Variants in DNER observed in about 807,000 individuals in gnomAD.
The protein encoded by DNER is delta/notch like EGF repeat containing, also known as delta and Notch-like epidermal growth factor-related receptor.
A neutral mutation model predicts 78.2 loss-of-function variants in DNER; 33 were observed. That is an observed-to-expected ratio of 0.42 (90% CI 0.32 to 0.56). The LOEUF is 0.56. Ranked by LOEUF, DNER falls within the 20% of genes least tolerant of loss-of-function variation. The probability of loss-of-function intolerance (pLI) is 0.11; values close to 1 mark genes in which losing one functional copy is unlikely to be tolerated. For synonymous variants in DNER, 417 were observed against 384.8 expected, an observed-to-expected ratio of 1.08 and a Z score of -0.98; for missense variants, 918 against 975.3, an observed-to-expected ratio of 0.94 and a Z score of 0.78.
At chr2:229,361,412 C>T (rs1458057255) in intron 12 of DNER, among the ~76,000 whole-genome samples, 1 of 152,108 alleles carries the variant, frequency 6.6e-6, no homozygotes, top group Non-Finnish European at 1.5e-5. Context: ...GGTTAGCAAA[C>T]TATAGTCCAC....
intron 12 of DNER, among the ~76,000 whole-genome samples, chr2:229,360,442 G>A (rs187081914): frequency 4.6e-5 from 7 of 152,032 alleles, no homozygotes; most frequent in Admixed American, 2.6e-4. Flanking sequence ...ACAGAGTCTC[G>A]CACTGTTGCC....
intron 6 of DNER, among the ~76,000 whole-genome samples, chr2:229,503,731 T>G (rs936730164): frequency 2.0e-5 from 3 of 152,282 alleles, no homozygotes; most frequent in African/African-American, 7.2e-5. Context: ...TTATACATAC[T>G]TTTTTGTTGC....
At chr2:229,587,079 GA>G in intron 3 of DNER, 1 of 837,212 alleles carries the variant, frequency 1.2e-6, no homozygotes. Context: ...TTGTTGAGAG[GA>G]AAAAAACAAA....
chr2:229,701,217 T>C (rs767915964), intron 1 of DNER, among the ~76,000 whole-genome samples: 1 of 152,200 alleles, frequency 6.6e-6, no homozygotes, highest in Non-Finnish European at 1.5e-5. Context: ...AAAGGACCCA[T>C]GAAGATGCAA....
chr2:229,572,535 A>AGAAGAACTAAAAACAAACAGAGAG (rs1697234528), intron 4 of DNER, among the ~76,000 whole-genome samples: 1 of 147,872 alleles, frequency 6.8e-6, no homozygotes, highest in Non-Finnish European at 1.5e-5. Flanking sequence ...GGAAGGAAAT[A>AGAAGAACTAAAAACAAACAGAGAG]GAAGAACTAA....
At chr2:229,437,023 A>C (rs2106357762) in intron 8 of DNER, among the ~76,000 whole-genome samples, 1 of 152,296 alleles carries the variant, frequency 6.6e-6, no homozygotes, top group South Asian at 2.1e-4. Context: ...AAGAAGCAAA[A>C]CCCAATGGTA....
intron 8 of DNER, among the ~76,000 whole-genome samples, chr2:229,425,359 G>C (rs1559348219): frequency 1.3e-5 from 2 of 152,170 alleles, no homozygotes; most frequent in Non-Finnish European, 2.9e-5. Flanking sequence ...ACATGGTGAA[G>C]CTGGTTTCTA....
intron 4 of DNER, among the ~76,000 whole-genome samples, chr2:229,559,172 C>T (rs1218627227): frequency 6.6e-6 from 1 of 151,944 alleles, no homozygotes; most frequent in African/African-American, 2.4e-5. Context: ...CTGATGAGAC[C>T]CCCAAAGGGA....
rs115958304 is a variant in DNER, at chr2:229,657,437, C to T, written c.276+56711G>A. Among the ~76,000 whole-genome samples the T allele has an allele frequency of 4.7e-3, 708 of 152,126 alleles. 4 individuals carry two copies. Among genetic ancestry groups the T allele is most frequent in the African/African-American group, 0.015 (616 of 41,474 alleles). On this transcript the variant is annotated intron_variant, in intron 1 of 12. Coordinates refer to ENST00000341772, the MANE Select transcript of DNER (RefSeq NM_139072.4). ...ATACCTTGTCTACTGTAAATAATGCCGCAGTGAACACAGGGATACAGATAA... is the reference window on the plus strand; with the variant it reads ...ATACCTTGTCTACTGTAAATAATGCTGCAGTGAACACAGGGATACAGATAA...
chr2:229,406,825 TTA>T (rs1309908862), intron 10 of DNER, among the ~76,000 whole-genome samples: 1 of 41,380 alleles, frequency 2.4e-5, no homozygotes, highest in African/African-American at 1.1e-4. Context: ...CTTGACACTT[TTA>T]TATCTTGCAA....
intron 1 of DNER, among the ~76,000 whole-genome samples, chr2:229,699,897 T>G (rs901558743): frequency 1.3e-5 from 2 of 151,944 alleles, no homozygotes; most frequent in Non-Finnish European, 2.9e-5. Context: ...AGCAAAACAA[T>G]GAGCATAAGC....
chr2:229,488,289 AGT>A lies in DNER; in HGVS notation c.1148-11038_1148-11037del, dbSNP rs561663509. Among the ~76,000 whole-genome samples the A allele has an allele frequency of 3.5e-3, 540 of 152,302 alleles. 2 individuals are homozygous for A. The highest frequency in any genetic ancestry group is 0.012 in the African/African-American group (513 of 41,562). ...CTTGATGGCTTACCGATTCTGTGCC[AGT>A]GTGTGTGGATGTGGATGTGGGGATA... On this transcript the variant is annotated intron_variant, in intron 6 of 12. Transcript: ENST00000341772.
intron 1 of DNER, among the ~76,000 whole-genome samples, chr2:229,671,463 G>A (rs10182640): frequency 0.034 from 5,096 of 152,102 alleles, 149 homozygotes; most frequent in Middle Eastern, 0.071. Flanking sequence ...TTAATTGTCC[G>A]CACAGCACTT....
intron 11 of DNER, among the ~76,000 whole-genome samples, chr2:229,376,442 G>A (rs1268645023): frequency 6.6e-6 from 1 of 152,104 alleles, no homozygotes; most frequent in African/African-American, 2.4e-5. Flanking sequence ...ATTACTTACT[G>A]TAAGGTATTT....
chr2:229,644,063 A>G (rs1309163803), intron 1 of DNER, among the ~76,000 whole-genome samples: 1 of 152,128 alleles, frequency 6.6e-6, no homozygotes, highest in African/African-American at 2.4e-5. Context: ...GTGAACACCC[A>G]GACAATGCCA....
chr2:229,478,367 A>G (rs539023462), intron 6 of DNER, among the ~76,000 whole-genome samples: 17 of 152,344 alleles, frequency 1.1e-4, no homozygotes, highest in African/African-American at 4.1e-4. Flanking sequence ...ACTAGAAAAG[A>G]GATGATTCAC....
In DNER at chr2:229,358,307, G is replaced by C. The variant is rs1415566895; in HGVS notation, c.*233C>G. On this transcript the variant is annotated 3_prime_UTR_variant, in exon 13 of 13. Coordinates refer to ENST00000341772, the MANE Select transcript of DNER (RefSeq NM_139072.4). ...ACAGTGAAAAGAGCACACACTAGTA[G>C]AAGCACACAGTTTAGAGAGCTGAAG... The C allele has an allele frequency of 3.4e-6, 1 of 296,718 alleles. No homozygotes were observed. The highest frequency in any genetic ancestry group is 6.2e-6 in the Non-Finnish European group (1 of 160,786). The allele number at this position is 296,718 out of a possible 1,614,324, so 18.4% of individuals were successfully genotyped here. A position where few individuals can be genotyped will look rare whatever the true frequency, so the allele number is the denominator to read the frequency against.
At chr2:229,480,557 T>G (rs1695134936) in intron 6 of DNER, among the ~76,000 whole-genome samples, 1 of 152,234 alleles carries the variant, frequency 6.6e-6, no homozygotes, top group African/African-American at 2.4e-5. Context: ...GGGTGAATCT[T>G]CAATGCTGTT....
intron 5 of DNER, among the ~76,000 whole-genome samples, chr2:229,521,904 C>T (rs921637779): frequency 3.9e-5 from 6 of 152,090 alleles, no homozygotes; most frequent in Non-Finnish European, 8.8e-5. Flanking sequence ...TTATTCATTA[C>T]ACATGTAACT....
Sources: gnomAD v4.1 joint callset for allele counts (sites outside exome capture counted in the v4.1 genomes callset) on GRCh38, gnomAD v4.1.1 for gene constraint, MANE v1.5 for transcripts, NCBI Gene and HGNC (gene_info 2026-07-23, HGNC 2026-07-21) for gene names.